Variants in MALRD1 observed in about 807,000 individuals in gnomAD.
MALRD1 encodes MAM and LDL-receptor class A domain-containing protein 1.
A neutral mutation model predicts 242.1 loss-of-function variants in MALRD1; 247 were observed. The ratio of observed to expected loss-of-function variants is 1.02; its 90% CI spans 0.92 to 1.13. The LOEUF is 1.13. Ranked by LOEUF, MALRD1 falls within the 50% of genes most tolerant of loss-of-function variation. The probability of loss-of-function intolerance (pLI) is 0.00; values close to 1 mark genes in which losing one functional copy is unlikely to be tolerated. For synonymous variants in MALRD1, 995 were observed against 866.6 expected (o/e 1.15, Z -2.60); for missense variants, 2,989 against 2,533.1 (o/e 1.18, Z -3.86).
At chr10:19,673,495 A>C (rs2131770455) in intron 36 of MALRD1, among the ~76,000 whole-genome samples, 1 of 152,352 alleles carries the variant, frequency 6.6e-6, no homozygotes, top group Admixed American at 6.5e-5. Flanking sequence ...ATACTCTTAT[A>C]TTCAGATTGC....
At chr10:19,459,660 AG>A (rs1835835523) in intron 29 of MALRD1, among the ~76,000 whole-genome samples, 1 of 152,086 alleles carries the variant, frequency 6.6e-6, no homozygotes, top group Admixed American at 6.6e-5. Flanking sequence ...ATTGTATTCA[AG>A]TAAACCATTT....
intron 21 of MALRD1, among the ~76,000 whole-genome samples, chr10:19,317,066 A>C (rs1034279480): frequency 6.6e-6 from 1 of 151,234 alleles, no homozygotes. Flanking sequence ...AAAAATCAAA[A>C]CTTAAAAAAT....
intron 31 of MALRD1, among the ~76,000 whole-genome samples, chr10:19,517,142 T>C (rs1833673618): frequency 6.6e-6 from 1 of 152,192 alleles, no homozygotes; most frequent in Admixed American, 6.5e-5. Context: ...TAATATCAAT[T>C]GGATAGATTA....
chr10:19,493,058 T>G (rs11010166), intron 30 of MALRD1, among the ~76,000 whole-genome samples: 3,071 of 152,280 alleles, frequency 0.02, 127 homozygotes, highest in African/African-American at 0.07. Context: ...TTAATGGCAT[T>G]AAGTACATTT....
At chr10:19,411,365 C>G (rs1564317545) in intron 28 of MALRD1, among the ~76,000 whole-genome samples, 1 of 152,226 alleles carries the variant, frequency 6.6e-6, no homozygotes, top group East Asian at 1.9e-4. Flanking sequence ...CTCTCTAATA[C>G]CAGTATTATC....
chr10:19,112,115 T>C (rs1208948423), intron 5 of MALRD1, among the ~76,000 whole-genome samples: 1 of 151,822 alleles, frequency 6.6e-6, no homozygotes, highest in African/African-American at 2.4e-5. Flanking sequence ...GGAATCACTG[T>C]AAATGGAGCC....
At chr10:19,229,219 G>A (rs774172212) in intron 18 of MALRD1, among the ~76,000 whole-genome samples, 1 of 152,090 alleles carries the variant, frequency 6.6e-6, no homozygotes, top group East Asian at 1.9e-4. Flanking sequence ...ATATCAGAAT[G>A]TATTAGGTAA....
chr10:19,688,604 G>A (rs1161955397), intron 36 of MALRD1, among the ~76,000 whole-genome samples: 1 of 152,150 alleles, frequency 6.6e-6, no homozygotes, highest in South Asian at 2.1e-4. Context: ...TGGAAGATAA[G>A]GGAGTCCACC....
chr10:19,386,425 A>AC (rs1846076787), intron 26 of MALRD1, among the ~76,000 whole-genome samples: 2 of 149,194 alleles, frequency 1.3e-5, no homozygotes, highest in Admixed American at 6.7e-5. Flanking sequence ...AGAAAAAAAA[A>AC]ATGTCAGATC....
intron 11 of MALRD1, among the ~76,000 whole-genome samples, chr10:19,152,190 C>A (rs181387233): frequency 1.1e-3 from 160 of 152,196 alleles, no homozygotes; most frequent in African/African-American, 3.8e-3. Flanking sequence ...CTTGCCATGA[C>A]CAGGAATAAA....
intron 9 of MALRD1, among the ~76,000 whole-genome samples, chr10:19,135,618 T>A (rs1833308631): frequency 6.6e-6 from 1 of 152,232 alleles, no homozygotes. Context: ...TGATGTCCAG[T>A]ATGGTAGCCA....
chr10:19,387,661 A>G lies in MALRD1; in HGVS notation c.4575A>G (p.Lys1525=). 2 of 1,550,434 alleles carry G rather than the reference A, an allele frequency of 1.3e-6. No homozygotes were observed. The highest frequency in any genetic ancestry group is 1.7e-6 in the Non-Finnish European group (2 of 1,146,894). ...NECGSSCTFE[K]GWCGWQNSQA... is the part of the protein sequence containing the mutation. ...GTGGTAGCTCCTGTACTTTTGAAAA[A>G]GGCTGGTGTGGCTGGCAAAACTCCC... Residue 1525 remains lysine, a synonymous_variant, in exon 27 of 40, where the codon AAA becomes AAG. Transcript: ENST00000454679.
In MALRD1 at chr10:19,124,684, T is replaced by A. The variant is rs1005408250; in HGVS notation, c.943+14T>A. On this transcript the variant is annotated intron_variant, in intron 7 of 39. Coordinates refer to ENST00000454679, the MANE Select transcript of MALRD1 (RefSeq NM_001142308.3). ...GTGATGATGAAGGTAGAAAAAAAAA[T>A]AATATCTTTTATGTATTACTTTCAG... is the stretch of plus-strand genomic sequence containing the variant. The A allele has an allele frequency of 6.5e-6, 8 of 1,232,312 alleles. No homozygotes were observed. The highest frequency in any genetic ancestry group is 4.1e-5 in the South Asian group (1 of 24,366). 76.3% of individuals were successfully genotyped at this position (1,232,312 alleles called of 1,614,324 possible). A position where few individuals can be genotyped will look rare whatever the true frequency, so the allele number is the denominator to read the frequency against.
At chr10:19,439,818 C>T (rs1834534570) in intron 28 of MALRD1, among the ~76,000 whole-genome samples, 1 of 152,130 alleles carries the variant, frequency 6.6e-6, no homozygotes, top group Non-Finnish European at 1.5e-5. Flanking sequence ...CTTCCCCACT[C>T]CATTTCCCTT....
At chr10:19,685,624 A>G (rs555049565) in intron 36 of MALRD1, among the ~76,000 whole-genome samples, 3 of 152,196 alleles carry the variant, frequency 2.0e-5, no homozygotes, top group Non-Finnish European at 4.4e-5. Flanking sequence ...TTGCAATGCC[A>G]TCAAAGTTAT....
chr10:19,354,116 G>T (rs1844519204), intron 26 of MALRD1, among the ~76,000 whole-genome samples: 1 of 152,044 alleles, frequency 6.6e-6, no homozygotes, highest in Non-Finnish European at 1.5e-5. Flanking sequence ...AACCAATCTT[G>T]TTGGGGATTT....
At chr10:19,126,358 T>C (rs1837282646) in intron 7 of MALRD1, among the ~76,000 whole-genome samples, 1 of 152,128 alleles carries the variant, frequency 6.6e-6, no homozygotes, top group Non-Finnish European at 1.5e-5. Context: ...ACACAACTAA[T>C]GTTCACACTC....
intron 14 of MALRD1, among the ~76,000 whole-genome samples, chr10:19,203,208 C>T (rs957482180): frequency 6.6e-6 from 1 of 151,970 alleles, no homozygotes; most frequent in Non-Finnish European, 1.5e-5. Context: ...TTATTTTCTG[C>T]ACCAATTAGG....
At chr10:19,195,689 C>T (rs1836205042) in intron 14 of MALRD1, among the ~76,000 whole-genome samples, 1 of 152,124 alleles carries the variant, frequency 6.6e-6, no homozygotes, top group African/African-American at 2.4e-5. Flanking sequence ...TTAACTCCAC[C>T]CTTTTCCTTA....
Sources: allele counts gnomAD v4.1 joint callset (sites outside exome capture counted in the v4.1 genomes callset), GRCh38; gene constraint gnomAD v4.1.1; transcripts MANE v1.5; gene names NCBI Gene and HGNC (gene_info 2026-07-23, HGNC 2026-07-21).